MFSD2A: variants seen among roughly 807,000 people sequenced by gnomAD.
The protein encoded by MFSD2A is sodium-dependent lysophosphatidylcholine symporter 1.
In MFSD2A, 27 loss-of-function variants were observed where a neutral mutation model predicts 64.7. The ratio of observed to expected loss-of-function variants is 0.42; its 90% CI spans 0.31 to 0.58. The LOEUF is 0.58. MFSD2A is among the 20% of genes least tolerant of loss of function. The pLI, the probability that MFSD2A is intolerant of heterozygous loss-of-function variation, is 0.18. For missense variants in MFSD2A, 474 were observed against 679.5 expected (o/e 0.70, Z 3.36); for synonymous variants, 258 against 273.4 (o/e 0.94, Z 0.55).
At chr1:39,966,081 A>G (rs1645155155) in intron 6 of MFSD2A, 67 bp downstream of exon 6, 11 of 1,557,208 alleles carry the variant, frequency 7.1e-6, no homozygotes, top group Non-Finnish European at 9.7e-6. Flanking sequence ...TAGTCATCCT[A>G]AAGATAGTAA....
At position 39,965,129 on chromosome 1, in the gene MFSD2A, C is replaced by T. The variant is rs1043100820; in HGVS notation, c.354-82C>T. 3.8e-6 allele frequency: 6 copies of T among 1,574,968 alleles called. No homozygotes were observed. The Admixed American group carries it at 5.1e-5, about 13-fold the overall frequency. On this transcript the variant is annotated intron_variant, in intron 3 of 13. Coordinates refer to ENST00000372811, the MANE Select transcript of MFSD2A (RefSeq NM_032793.5). The surrounding 1 kb of genome is among the most constrained non-coding windows in gnomAD (Gnocchi z 5.5). ...AGCTTAGCTTCCTTCCCTGTGGGGA[C>T]CCTGTGAGGCACAGCAGACTGGGCT...
intron 3 of MFSD2A, among the ~76,000 whole-genome samples, chr1:39,961,110 C>T (rs1342427311): frequency 6.6e-6 from 1 of 151,286 alleles, no homozygotes; most frequent in Non-Finnish European, 1.5e-5. Flanking sequence ...CATCACCATG[C>T]CTGGCCAGAC....
At chr1:39,966,489 C>G (rs895275807) in intron 6 of MFSD2A, 112 bp from the exon 7 acceptor site, 1 of 838,108 alleles carries the variant, frequency 1.2e-6, no homozygotes, top group African/African-American at 1.7e-5. Flanking sequence ...AGACAGTACG[C>G]TCCCAGAGGG....
rs765002730 is a variant in MFSD2A, at chr1:39,968,576, G to A, written c.1360G>A (p.Gly454Arg). 6.2e-7 allele frequency: 1 copy of A among 1,614,162 alleles called. No homozygotes were observed. Among genetic ancestry groups the A allele is most frequent in the Admixed American group, 1.7e-5 (1 of 60,028 alleles). The change falls in exon 13 of 14, where the codon GGG becomes AGG. Residue 454 changes from glycine to arginine, a missense_variant. Gly to Arg is a moderately radical substitution (Grantham distance 125). Coordinates refer to ENST00000372811, the MANE Select transcript of MFSD2A (RefSeq NM_032793.5). This position sits in a 1 kb window ranked among gnomAD's most constrained non-coding sequence, Gnocchi z 4.4. ...GISTLSLDFA[G>R]YQTRGCSQPE... ...ACCCCCTGGGTCCCATAGCTTTGCA[G>A]GGTACCAGACCCGTGGCTGCTCGCA...
Position 39,966,028 on chromosome 1 carries a change from C to T in MFSD2A, c.714+14C>T. 6.2e-7 allele frequency: 1 copy of T among 1,613,816 alleles called. No individual in the cohort carries two copies. The highest frequency in any genetic ancestry group is 2.2e-5 in the East Asian group (1 of 44,876). ...CACAGGGAAACGGTGAGGCCCTGGG[C>T]AGGGCAGGGATTTGGGGAGATAAGG... On this transcript the variant is annotated intron_variant, in intron 6 of 13. Transcript: ENST00000372811.
rs775025679 is a variant in MFSD2A at position 39,965,923 on chromosome 1, C to T, written c.623C>T (p.Ala208Val). The T allele has an allele frequency of 6.2e-7, 1 of 1,614,174 alleles. No individual in the cohort carries two copies. The highest frequency in any genetic ancestry group is 1.7e-5 in the Admixed American group (1 of 60,026). Residue 208 changes from alanine to valine, a missense_variant, in exon 6 of 14, where the codon GCA becomes GTA. Transcript: ENST00000372811. This position sits in a 1 kb window ranked among gnomAD's most constrained non-coding sequence, Gnocchi z 5.5. ...TAIQGQIVGQ[A>V]DTPCFQDLNS... ...ATCCAGGGACAAATCGTGGGCCAAG[C>T]AGACACGCCTTGTTTCCAGGACCTC...
Position 39,955,168 on chromosome 1 carries a change from C to G in MFSD2A, c.-125C>G, listed in dbSNP as rs993292636. On this transcript the variant is annotated 5_prime_UTR_variant, in exon 1 of 14. Coordinates refer to ENST00000372811, the MANE Select transcript of MFSD2A (RefSeq NM_032793.5). The surrounding 1 kb of genome is among the most constrained non-coding windows in gnomAD (Gnocchi z 5.9). ...GCAGAGTGCGTTCCTCGTCTGCCAG[C>G]CGGCTTGGCTAGCGCGCGGCGGCCG... 1 of 704,150 alleles carries G rather than the reference C, an allele frequency of 1.4e-6. No homozygotes were observed. The highest frequency in any genetic ancestry group is 4.2e-5 in the Admixed American group (1 of 23,678). The allele number at this position is 704,150 out of a possible 1,614,324, so 43.6% of individuals were successfully genotyped here. A position where few individuals can be genotyped will look rare whatever the true frequency, so the allele number is the denominator to read the frequency against.
In MFSD2A at chr1:39,958,229, T is replaced by A. The variant is rs1009083190; in HGVS notation, c.229-472T>A. Among the ~76,000 whole-genome samples, 7 of 152,118 alleles carry A rather than the reference T, an allele frequency of 4.6e-5. No homozygotes were observed. Among genetic ancestry groups the A allele is most frequent in the African/African-American group, 1.7e-4 (7 of 41,404 alleles). The stretch of plus-strand genomic sequence containing the variant: ...GAGTGGGTAGTGACAAGTCCCTTTT[T>A]AAAAAGCATCTATAGGCTCCTTTTT... On this transcript the variant is annotated intron_variant, in intron 2 of 13. Transcript: ENST00000372811. The surrounding 1 kb of genome is among the most constrained non-coding windows in gnomAD (Gnocchi z 4.7).
Position 39,958,475 on chromosome 1 carries a change from C to T in MFSD2A, c.229-226C>T, listed in dbSNP as rs921045326. Among the ~76,000 whole-genome samples, 1 of 152,140 alleles carries T rather than the reference C, an allele frequency of 6.6e-6. No individual in the cohort carries two copies. The highest frequency in any genetic ancestry group is 1.5e-5 in the Non-Finnish European group (1 of 68,020). On this transcript the variant is annotated intron_variant, in intron 2 of 13. Coordinates refer to ENST00000372811, the MANE Select transcript of MFSD2A (RefSeq NM_032793.5). This position sits in a 1 kb window ranked among gnomAD's most constrained non-coding sequence, Gnocchi z 4.7. ...CAGTGGAGGGAAGCAATTAAGGAGA[C>T]AGAGCTGGGAAAGCTTCTAAGGAGG...
At chr1:39,962,694 G>T in intron 3 of MFSD2A, 1 of 776,648 alleles carries the variant, frequency 1.3e-6, no homozygotes. Context: ...AAGCTGCGGA[G>T]CTTGCTGAGG....
rs538666198 is a variant in MFSD2A, at chr1:39,957,424, G to C, written c.228+203G>C. Among the ~76,000 whole-genome samples the C allele has an allele frequency of 8.5e-5, 13 of 152,360 alleles. No individual in the cohort carries two copies. The East Asian group carries it at 2.3e-3, about 27-fold the overall frequency. On this transcript the variant is annotated intron_variant, in intron 2 of 13. Coordinates refer to ENST00000372811, the MANE Select transcript of MFSD2A (RefSeq NM_032793.5). ...GAGTGTCTCCACTCCAGGAGTCTTT[G>C]CTGGAAAGGTCTGGCAACTCCTCCT... is the stretch of plus-strand genomic sequence containing the variant.
chr1:39,956,997 A>T, intron 1 of MFSD2A, 90 bp from the exon 2 acceptor site: 3 of 1,279,270 alleles, frequency 2.3e-6, no homozygotes, highest in East Asian at 3.2e-5. Context: ...TTGTTCTGGT[A>T]GAGCTGGCCA....
intron 2 of MFSD2A, among the ~76,000 whole-genome samples, chr1:39,957,523 G>C (rs576219518): frequency 6.6e-5 from 10 of 152,250 alleles, no homozygotes; most frequent in Non-Finnish European, 1.5e-4. Flanking sequence ...TGGGGATGCT[G>C]TTCTTAGAAG....
In MFSD2A at chr1:39,968,557, T is replaced by C. The variant is rs1274688572; in HGVS notation, c.1353-12T>C. The C allele has an allele frequency of 3.5e-5, 56 of 1,613,892 alleles. No individual in the cohort carries two copies. Among genetic ancestry groups the C allele is most frequent in the Non-Finnish European group, 4.6e-5 (54 of 1,179,926 alleles). ...CCATCTTCACCGTTCTCCTACCCCCTGGGTCCCATAGCTTTGCAGGGTACC... is the reference window on the plus strand; with the variant it reads ...CCATCTTCACCGTTCTCCTACCCCCCGGGTCCCATAGCTTTGCAGGGTACC... On this transcript the variant is annotated splice_polypyrimidine_tract_variant and intron_variant, in intron 12 of 13. Coordinates refer to ENST00000372811, the MANE Select transcript of MFSD2A (RefSeq NM_032793.5). The surrounding 1 kb of genome is among the most constrained non-coding windows in gnomAD (Gnocchi z 4.4).
chr1:39,956,992 C>T (rs1644944485), intron 1 of MFSD2A, 95 bp from the exon 2 acceptor site: 3 of 1,060,174 alleles, frequency 2.8e-6, no homozygotes, highest in Admixed American at 2.4e-5. Context: ...GTTGTTTGTT[C>T]TGGTAGAGCT....
At position 39,963,547 on chromosome 1, in the gene MFSD2A, G is replaced by A; in HGVS notation, c.354-1664G>A. On this transcript the variant is annotated intron_variant, in intron 3 of 13. Transcript: ENST00000372811. The surrounding 1 kb of genome is among the most constrained non-coding windows in gnomAD (Gnocchi z 4.2). The stretch of plus-strand genomic sequence containing the variant: ...TTGCCTCAGTTTCCCAAGTAGCTGG[G>A]ATAACAGGCATGTGCCACTGCCATT... 2.4e-6 allele frequency: 1 copy of A among 413,364 alleles called. No individual in the cohort carries two copies. The highest frequency in any genetic ancestry group is 4.3e-6 in the Non-Finnish European group (1 of 231,534). The allele number at this position is 413,364 out of a possible 1,614,324, so 25.6% of individuals were successfully genotyped here. A position where few individuals can be genotyped will look rare whatever the true frequency, so the allele number is the denominator to read the frequency against.
rs1645179136 is a variant in MFSD2A, at chr1:39,967,104, G to A, written c.946G>A (p.Val316Ile). Residue 316 changes from valine (V) to isoleucine (I), a missense_variant, in exon 9 of 14, where the codon GTC becomes ATC. Transcript: ENST00000372811. ...LAFMLVEGNFVLFCTYTLGFR... is the reference protein window; with the variant it reads ...LAFMLVEGNFILFCTYTLGFR... ...TGCCCAGCTGGTGGAGGGGAACTTTGTCTTGTTTTGCACCTACACCTTGGG... is the reference window on the plus strand; with the variant it reads ...TGCCCAGCTGGTGGAGGGGAACTTTATCTTGTTTTGCACCTACACCTTGGG... The A allele has an allele frequency of 6.2e-7, 1 of 1,613,992 alleles. No homozygotes were observed. The highest frequency in any genetic ancestry group is 8.5e-7 in the Non-Finnish European group (1 of 1,180,016).
rs371845295 is a variant in MFSD2A, at chr1:39,969,479, C to A, written c.1530-26C>A. ...GAGGGGTAAGGATGGATGCTTCCTCCAACCCATCTCCTCTCTCTCTTGCAG... is the reference window on the plus strand; with the variant it reads ...GAGGGGTAAGGATGGATGCTTCCTCAAACCCATCTCCTCTCTCTCTTGCAG... On this transcript the variant is annotated intron_variant, in intron 13 of 13. Coordinates refer to ENST00000372811, the MANE Select transcript of MFSD2A (RefSeq NM_032793.5). 6 of 1,592,270 alleles carry A rather than the reference C, an allele frequency of 3.8e-6. No homozygotes were observed. In the African/African-American group the frequency reaches 6.8e-5, roughly 18 times the overall value.
Position 39,963,112 on chromosome 1 carries a change from G to A in MFSD2A, c.354-2099G>A. On this transcript the variant is annotated intron_variant, in intron 3 of 13. Transcript: ENST00000372811. The surrounding 1 kb of genome is among the most constrained non-coding windows in gnomAD (Gnocchi z 4.2). ...CCTTGCAAGGTGACAGGCCGCTGCG[G>A]CTCTGTGCTGGTGCGTCTCATCCCT... The A allele has an allele frequency of 2.9e-6, 4 of 1,362,620 alleles. No individual in the cohort carries two copies. Among genetic ancestry groups the A allele is most frequent in the Non-Finnish European group, 4.1e-6 (4 of 981,082 alleles). The allele number at this position is 1,362,620 out of a possible 1,614,324, so 84.4% of individuals were successfully genotyped here.
Sources: allele counts gnomAD v4.1 joint callset (sites outside exome capture counted in the v4.1 genomes callset), GRCh38; gene constraint gnomAD v4.1.1; non-coding constraint Gnocchi (gnomAD v3.1); transcripts MANE v1.5; gene names NCBI Gene and HGNC (gene_info 2026-07-23, HGNC 2026-07-21).